Variants in SPON1 observed in about 807,000 individuals in gnomAD.
The protein encoded by SPON1 is spondin 1.
In SPON1, 52 loss-of-function variants were observed where a neutral mutation model predicts 111.7. The ratio of observed to expected loss-of-function variants is 0.47; its 90% CI spans 0.37 to 0.59. The LOEUF is 0.59. SPON1 is among the 20% of genes least tolerant of loss of function. The pLI, the probability that SPON1 is intolerant of heterozygous loss-of-function variation, is 0.00. For synonymous variants in SPON1, 410 were observed against 395.8 expected (o/e 1.04, Z -0.43); for missense variants, 957 against 1,068.5 (o/e 0.90, Z 1.46).
intron 2 of SPON1, among the ~76,000 whole-genome samples, chr11:13,984,557 CCCACGACAA>C (rs1299443863): frequency 6.6e-6 from 1 of 152,174 alleles, no homozygotes; most frequent in Admixed American, 6.5e-5. Flanking sequence ...CTAATCCACT[CCCACGACAA>C]CCACAATCCA....
intron 1 of SPON1, among the ~76,000 whole-genome samples, chr11:13,964,291 C>A (rs1471891079): frequency 6.6e-6 from 1 of 152,238 alleles, no homozygotes; most frequent in African/African-American, 2.4e-5. Context: ...AGCTCTGGTG[C>A]TAAGCAGGGA....
intron 3 of SPON1, among the ~76,000 whole-genome samples, chr11:14,048,904 C>A (rs1349537954): frequency 6.6e-6 from 1 of 152,106 alleles, no homozygotes; most frequent in African/African-American, 2.4e-5. Flanking sequence ...GTAGATCATC[C>A]GTCTCCTGAG....
intron 3 of SPON1, among the ~76,000 whole-genome samples, chr11:14,065,309 G>A (rs1186209075): frequency 1.3e-5 from 2 of 152,230 alleles, no homozygotes; most frequent in African/African-American, 2.4e-5. Flanking sequence ...GGAGGAGGCT[G>A]AAGCCAAGGC....
intron 3 of SPON1, among the ~76,000 whole-genome samples, chr11:14,068,926 C>G (rs1848853974): frequency 6.6e-6 from 1 of 152,166 alleles, no homozygotes; most frequent in South Asian, 2.1e-4. Flanking sequence ...TACCCAGACT[C>G]AAGCCCAGTG....
intron 5 of SPON1, among the ~76,000 whole-genome samples, chr11:14,128,707 G>T (rs1400977125): frequency 6.6e-6 from 1 of 152,222 alleles, no homozygotes; most frequent in Non-Finnish European, 1.5e-5. Context: ...TTTCCCCTCT[G>T]CATGGCCCTA....
At chr11:13,992,064 G>A (rs1848235283) in intron 2 of SPON1, among the ~76,000 whole-genome samples, 1 of 152,168 alleles carries the variant, frequency 6.6e-6, no homozygotes, top group African/African-American at 2.4e-5. Context: ...GAGGCAGTCT[G>A]ACCCTTAGCA....
At chr11:14,137,515 A>G (rs1197966056) in intron 6 of SPON1, among the ~76,000 whole-genome samples, 1 of 152,102 alleles carries the variant, frequency 6.6e-6, no homozygotes, top group Admixed American at 6.5e-5. Context: ...CCCCCCTCAC[A>G]TCTAGGCTGA....
chr11:14,224,205 G>A (rs868953872), intron 6 of SPON1, among the ~76,000 whole-genome samples: 11 of 152,260 alleles, frequency 7.2e-5, no homozygotes, highest in African/African-American at 2.4e-4. Flanking sequence ...CTTGAAGCAC[G>A]GAGAGTGGAG....
intron 2 of SPON1, among the ~76,000 whole-genome samples, chr11:13,995,981 A>G (rs1222504528): frequency 6.6e-6 from 1 of 152,252 alleles, no homozygotes; most frequent in Non-Finnish European, 1.5e-5. Flanking sequence ...GGACATTTAC[A>G]GAGACAATAA....
At chr11:14,155,488 TTTTA>T (rs1375252689) in intron 6 of SPON1, among the ~76,000 whole-genome samples, 1 of 125,228 alleles carries the variant, frequency 8.0e-6, no homozygotes, top group African/African-American at 2.8e-5. Context: ...ACATCTATTT[TTTTA>T]TTTATTTTTA....
At chr11:13,994,777 T>C (rs1028749563) in intron 2 of SPON1, among the ~76,000 whole-genome samples, 2 of 152,132 alleles carry the variant, frequency 1.3e-5, no homozygotes, top group East Asian at 1.9e-4. Flanking sequence ...GAATGAATCA[T>C]CCATGAGATA....
At chr11:14,160,896 TTTATATATTTA>T (rs1847932444) in intron 6 of SPON1, among the ~76,000 whole-genome samples, 1 of 58,248 alleles carries the variant, frequency 1.7e-5, no homozygotes, top group African/African-American at 7.0e-5. Context: ...TTTATATATA[TTTATATATTTA>T]TATATATATT....
At chr11:14,125,602 G>A (rs1343347303) in intron 5 of SPON1, among the ~76,000 whole-genome samples, 1 of 152,240 alleles carries the variant, frequency 6.6e-6, no homozygotes, top group Non-Finnish European at 1.5e-5. Flanking sequence ...ACATTCTGTA[G>A]AGAAGCATTA....
rs782238308 is a variant in SPON1, at chr11:14,260,662, A to G, written c.1906A>G (p.Thr636Ala). The G allele has an allele frequency of 1.2e-6, 2 of 1,613,966 alleles. No individual in the cohort carries two copies. The highest frequency in any genetic ancestry group is 4.5e-5 in the East Asian group (2 of 44,878). ...CGTGACCTGCGGGAAGGGCATGCGAACCCGACAGCGGATGCTCAAGTCTCT... is the reference window on the plus strand; with the variant it reads ...CGTGACCTGCGGGAAGGGCATGCGAGCCCGACAGCGGATGCTCAAGTCTCT... The part of the protein sequence containing the change: ...CSVTCGKGMR[T>A]RQRMLKSLAE... The change falls in exon 14 of 16, where the codon ACC becomes GCC. Residue 636 changes from threonine (T) to alanine (A), a missense_variant. Coordinates refer to ENST00000576479, the MANE Select transcript of SPON1 (RefSeq NM_006108.4).
chr11:14,128,157 C>T (rs113204318), intron 5 of SPON1, among the ~76,000 whole-genome samples: 7 of 152,158 alleles, frequency 4.6e-5, no homozygotes, highest in African/African-American at 1.4e-4. Context: ...CATGCCTTCC[C>T]AACAGTCCCC....
intron 6 of SPON1, among the ~76,000 whole-genome samples, chr11:14,200,544 G>C (rs1424682007): frequency 6.6e-6 from 1 of 152,070 alleles, no homozygotes; most frequent in African/African-American, 2.4e-5. Flanking sequence ...TTGAGGATTT[G>C]TCTTAAAGTT....
intron 6 of SPON1, among the ~76,000 whole-genome samples, chr11:14,197,371 GAAAGCACAGGACTAAATT>G (rs1168912883): frequency 6.6e-6 from 1 of 151,930 alleles, no homozygotes; most frequent in Non-Finnish European, 1.5e-5. Flanking sequence ...CTCAGTGCCC[GAAAGCACAGGACTAAATT>G]TAAGGCTCAG....
intron 5 of SPON1, among the ~76,000 whole-genome samples, chr11:14,124,157 C>T (rs9666459): frequency 0.021 from 3,185 of 152,218 alleles, 106 homozygotes; most frequent in African/African-American, 0.072. Context: ...GATCTCATCA[C>T]TGATCATCCA....
At chr11:13,986,436 G>T (rs879985426) in intron 2 of SPON1, among the ~76,000 whole-genome samples, 3 of 152,046 alleles carry the variant, frequency 2.0e-5, no homozygotes, top group Non-Finnish European at 4.4e-5. Flanking sequence ...TATATAGAAT[G>T]TGTAATGATC....
Sources: gnomAD v4.1 joint callset for allele counts (sites outside exome capture counted in the v4.1 genomes callset) on GRCh38, gnomAD v4.1.1 for gene constraint, MANE v1.5 for transcripts, NCBI Gene and HGNC (gene_info 2026-07-23, HGNC 2026-07-21) for gene names.